IMPA1: variants seen among roughly 807,000 people sequenced by gnomAD.
IMPA1 encodes the protein inositol monophosphatase 1.
In IMPA1, 21 loss-of-function variants were observed where a neutral mutation model predicts 34.9. The observed-to-expected ratio is 0.60, with a 90% CI of 0.43 to 0.87. IMPA1 has a LOEUF of 0.87. Ranked by LOEUF, IMPA1 falls within the 40% of genes least tolerant of loss-of-function variation. IMPA1 has a pLI of 0.00. For synonymous variants in IMPA1, 95 were observed against 104.4 expected (o/e 0.91, Z 0.55); for missense variants, 299 against 336.4 (o/e 0.89, Z 0.87).
chr8:81,670,430 C>A (rs545997165), intron 7 of IMPA1, among the ~76,000 whole-genome samples: 210 of 151,718 alleles, frequency 1.4e-3, no homozygotes, highest in Middle Eastern at 3.4e-3. Flanking sequence ...AAAGAAAAAA[C>A]CAGCTTAAAT....
intron 2 of IMPA1, among the ~76,000 whole-genome samples, chr8:81,681,128 G>A (rs947602505): frequency 2.6e-5 from 4 of 152,168 alleles, no homozygotes; most frequent in Admixed American, 2.6e-4. Context: ...GGGTATGGTG[G>A]TTCACGCACG....
At chr8:81,665,483 GA>G (rs371268844) in intron 7 of IMPA1, among the ~76,000 whole-genome samples, 54 of 152,146 alleles carry the variant, frequency 3.5e-4, no homozygotes, top group African/African-American at 1.3e-3. Context: ...GAGACAGAGA[GA>G]AAATGGCTGA....
intron 7 of IMPA1, among the ~76,000 whole-genome samples, chr8:81,669,439 T>A (rs1476641954): frequency 6.6e-6 from 1 of 152,218 alleles, no homozygotes; most frequent in Non-Finnish European, 1.5e-5. Flanking sequence ...AGTGTCTCCA[T>A]GAGGTGGTAC....
intron 5 of IMPA1, chr8:81,674,532 T>C: frequency 4.0e-6 from 1 of 251,852 alleles, no homozygotes; most frequent in Non-Finnish European, 7.9e-6. Context: ...ATGCCTTGTC[T>C]GAAGAATTGG....
At chr8:81,679,995 C>T (rs1428750312) in intron 3 of IMPA1, among the ~76,000 whole-genome samples, 5 of 151,682 alleles carry the variant, frequency 3.3e-5, no homozygotes, top group Admixed American at 6.6e-5. Context: ...ATAAGCCAGG[C>T]GTGGTGGCAT....
At chr8:81,677,377 G>A (rs957387835) in intron 4 of IMPA1, among the ~76,000 whole-genome samples, 29 of 152,204 alleles carry the variant, frequency 1.9e-4, no homozygotes, top group African/African-American at 7.0e-4. Flanking sequence ...TTACAGGCAT[G>A]AGCCACCGCG....
Position 81,686,164 on chromosome 8 carries a change from C to T in IMPA1, c.-25+88G>A, listed in dbSNP as rs559057366. On this transcript the variant is annotated intron_variant, in intron 1 of 8. Transcript: ENST00000256108. ...GCGCCGACCGCGCACGGCGCTCGCG[C>T]CCGCTCCTGAGGAGGGAAGGGGCCT... 3 of 941,420 alleles carry T rather than the reference C, an allele frequency of 3.2e-6. No individual in the cohort carries two copies. In the Admixed American group the frequency reaches 1.4e-4, roughly 45 times the overall value. The allele number at this position is 941,420 out of a possible 1,614,324, so 58.3% of individuals were successfully genotyped here.
intron 7 of IMPA1, among the ~76,000 whole-genome samples, chr8:81,661,005 A>G (rs930600225): frequency 3.3e-5 from 5 of 152,162 alleles, no homozygotes; most frequent in African/African-American, 9.6e-5. Flanking sequence ...AGCTTATATT[A>G]TTTTACACAC....
In IMPA1 at chr8:81,657,298, A is replaced by G. The variant is rs2130224572; in HGVS notation, c.*2053T>C. On this transcript the variant is annotated 3_prime_UTR_variant, in exon 9 of 9. Transcript: ENST00000256108. ...TTTGTAACTCAACACAAAAACCTCTAAAAGTATGTTGGGTGCAATGGCTCA... is the reference window on the plus strand; with the variant it reads ...TTTGTAACTCAACACAAAAACCTCTGAAAGTATGTTGGGTGCAATGGCTCA... Among the ~76,000 whole-genome samples, 1 of 152,342 alleles carries G rather than the reference A, an allele frequency of 6.6e-6. No individual in the cohort carries two copies. The highest frequency in any genetic ancestry group is 6.5e-5 in the Admixed American group (1 of 15,294).
intron 1 of IMPA1, among the ~76,000 whole-genome samples, chr8:81,685,274 A>T (rs1807474408): frequency 2.2e-5 from 3 of 134,724 alleles, no homozygotes; most frequent in Admixed American, 7.8e-5. Context: ...GATACTATAT[A>T]TAGTATATAT....
intron 7 of IMPA1, among the ~76,000 whole-genome samples, chr8:81,661,056 T>C (rs1806660113): frequency 2.0e-5 from 3 of 152,120 alleles, no homozygotes; most frequent in Non-Finnish European, 1.5e-5. Context: ...CTAGGAGGTG[T>C]AAAATATCAT....
At position 81,676,280 on chromosome 8, in the gene IMPA1, CT is replaced by C. The variant is rs763126450; in HGVS notation, c.303-2del. The C allele has an allele frequency of 1.2e-5, 16 of 1,305,910 alleles. No homozygotes were observed. The highest frequency in any genetic ancestry group is 6.0e-5 in the South Asian group (4 of 66,158). The allele number at this position is 1,305,910 out of a possible 1,614,324, so 80.9% of individuals were successfully genotyped here. On this transcript the variant is annotated splice_acceptor_variant, in intron 4 of 8. Transcript: ENST00000256108. LOFTEE classifies it high-confidence loss of function. ...AATTGAAACAGCTACAAAAGGAAAT[CT>C]TTTTTTAAAAAAAAGGACAAAATAC...
intron 4 of IMPA1, among the ~76,000 whole-genome samples, chr8:81,677,990 C>T (rs1486177947): frequency 6.6e-6 from 1 of 152,300 alleles, no homozygotes; most frequent in East Asian, 1.9e-4. Flanking sequence ...ATACTAAGTT[C>T]TTACATTAAT....
chr8:81,669,581 C>T (rs958635445), intron 7 of IMPA1, among the ~76,000 whole-genome samples: 1 of 152,146 alleles, frequency 6.6e-6, no homozygotes, highest in Non-Finnish European at 1.5e-5. Flanking sequence ...CTGTCTTATG[C>T]CTGTGTCACT....
intron 7 of IMPA1, among the ~76,000 whole-genome samples, chr8:81,663,301 T>A (rs1806729816): frequency 6.6e-6 from 1 of 152,236 alleles, no homozygotes; most frequent in South Asian, 2.1e-4. Flanking sequence ...AAGGGCATCA[T>A]TCTGGGAGGT....
chr8:81,668,104 T>C (rs1806886828), intron 7 of IMPA1, among the ~76,000 whole-genome samples: 2 of 152,182 alleles, frequency 1.3e-5, no homozygotes, highest in Admixed American at 6.5e-5. Context: ...ATTACAGGCG[T>C]GAGCCACCAT....
chr8:81,679,295 A>G, intron 3 of IMPA1, 65 bp from the exon 4 acceptor site: 2 of 1,082,278 alleles, frequency 1.8e-6, no homozygotes, highest in Non-Finnish European at 2.9e-6. Flanking sequence ...AAATCATAAC[A>G]TTTCCTTAGC....
Position 81,669,982 on chromosome 8 carries a change from C to A in IMPA1, c.566+957G>T, listed in dbSNP as rs139988196. Among the ~76,000 whole-genome samples, 487 of 152,328 alleles carry A rather than the reference C, an allele frequency of 3.2e-3. 1 individual carries two copies. The Middle Eastern group carries it at 0.044, about 14-fold the overall frequency. ...GCTAGCATGCTCAGCCCCACCATGTCACATTCTGTGCTGCCTCAGGACTCT... is the reference window on the plus strand; with the variant it reads ...GCTAGCATGCTCAGCCCCACCATGTAACATTCTGTGCTGCCTCAGGACTCT... On this transcript the variant is annotated intron_variant, in intron 7 of 8. Transcript: ENST00000256108.
Position 81,679,182 on chromosome 8 carries a change from G to C in IMPA1, c.246C>G (p.Thr82=), listed in dbSNP as rs139555224. ...GGTCAATGATCCATGTGGGGTTGTC[G>C]GTTAAGATACTTTTTTCCCCAGCTG... is the stretch of plus-strand genomic sequence containing the variant. The part of the protein sequence containing the change: ...SVAAGEKSIL[T]DNPTWIIDPI... The change falls in exon 4 of 9, where the codon ACC becomes ACG. Residue 82 remains threonine, a synonymous_variant. Transcript: ENST00000256108. 6 of 1,613,798 alleles carry C rather than the reference G, an allele frequency of 3.7e-6. No individual in the cohort carries two copies. The highest frequency in any genetic ancestry group is 5.1e-6 in the Non-Finnish European group (6 of 1,179,880).
Sources: gnomAD v4.1 joint callset for allele counts (sites outside exome capture counted in the v4.1 genomes callset) on GRCh38, gnomAD v4.1.1 for gene constraint, MANE v1.5 for transcripts, NCBI Gene and HGNC (gene_info 2026-07-23, HGNC 2026-07-21) for gene names.